Variants in RARS1 observed in about 807,000 individuals in gnomAD.
RARS1 encodes arginine--tRNA ligase, cytoplasmic.
A neutral mutation model predicts 78.7 loss-of-function variants in RARS1; 75 were observed. That is an observed-to-expected ratio of 0.95 (90% CI 0.79 to 1.15). RARS1 has a LOEUF of 1.15. Ranked by LOEUF, RARS1 falls within the 50% of genes most tolerant of loss-of-function variation. The pLI, the probability that RARS1 is intolerant of heterozygous loss-of-function variation, is 0.00. For missense variants in RARS1, 787 were observed against 787.5 expected, an observed-to-expected ratio of 1.00 and a Z score of 0.01; for synonymous variants, 273 against 268.2, an observed-to-expected ratio of 1.02 and a Z score of -0.18.
intron 7 of RARS1, 108 bp from the exon 8 acceptor site, chr5:168,500,483 T>C: frequency 9.1e-7 from 1 of 1,096,848 alleles, no homozygotes; most frequent in Non-Finnish European, 1.2e-6. Flanking sequence ...CTCGTGTTTG[T>C]ACTTTCTCAC....
At position 168,495,712 on chromosome 5, in the gene RARS1, A is replaced by G. The variant is rs185040944; in HGVS notation, c.701+276A>G. Among the ~76,000 whole-genome samples the G allele has an allele frequency of 1.8e-3, 277 of 152,310 alleles. 1 individual carries two copies. The highest frequency in any genetic ancestry group is 3.4e-3 in the Middle Eastern group (1 of 294). On this transcript the variant is annotated intron_variant, in intron 6 of 14. Transcript: ENST00000231572. ...GTTTCTTGAGGACCTCTTGTATGCAATGGGTTTATATCCTAGCAGGGAGAG... is the reference window on the plus strand; with the variant it reads ...GTTTCTTGAGGACCTCTTGTATGCAGTGGGTTTATATCCTAGCAGGGAGAG...
intron 2 of RARS1, among the ~76,000 whole-genome samples, chr5:168,490,388 G>A (rs1561818835): frequency 6.6e-6 from 1 of 151,808 alleles, no homozygotes; most frequent in Admixed American, 6.6e-5. Flanking sequence ...GTATTTTGTC[G>A]AACTCCTCGC....
At chr5:168,502,764 G>A (rs1341291657) in intron 9 of RARS1, among the ~76,000 whole-genome samples, 2 of 147,890 alleles carry the variant, frequency 1.4e-5, no homozygotes, top group African/African-American at 5.0e-5. Context: ...TGGAGACAGG[G>A]TTCCACCGTG....
intron 2 of RARS1, among the ~76,000 whole-genome samples, chr5:168,492,347 C>T (rs1226390099): frequency 1.3e-5 from 2 of 152,108 alleles, no homozygotes; most frequent in Non-Finnish European, 1.5e-5. Context: ...ATTATTTTCT[C>T]AGAGATTTGG....
At chr5:168,507,150 A>G (rs1212494499) in intron 11 of RARS1, among the ~76,000 whole-genome samples, 1 of 152,212 alleles carries the variant, frequency 6.6e-6, no homozygotes, top group Non-Finnish European at 1.5e-5. Context: ...ACACTATTCA[A>G]CAATATAGCT....
chr5:168,506,012 A>G lies in RARS1; in HGVS notation c.1058-9A>G. The G allele has an allele frequency of 6.3e-7, 1 of 1,585,320 alleles. No homozygotes were observed. Among genetic ancestry groups the G allele is most frequent in the Non-Finnish European group, 8.5e-7 (1 of 1,170,268 alleles). ...TAACTTTATTAATGAAGTGTTTTTT[A>G]CCCCCTAGGATTTGTGCAGGTGGAT... On this transcript the variant is annotated splice_polypyrimidine_tract_variant and intron_variant, in intron 9 of 14. Transcript: ENST00000231572.
At position 168,486,549 on chromosome 5, in the gene RARS1, G is replaced by T; in HGVS notation, c.45+6G>T. ...CCGCGCGGCTGCTGCAGCAGGTTTGGACGCAGGAGACCGGCGGGAAGGCCT... is the reference window on the plus strand; with the variant it reads ...CCGCGCGGCTGCTGCAGCAGGTTTGTACGCAGGAGACCGGCGGGAAGGCCT... On this transcript the variant is annotated splice_donor_region_variant and intron_variant, in intron 1 of 14. Coordinates refer to ENST00000231572, the MANE Select transcript of RARS1 (RefSeq NM_002887.4). 1 of 1,556,162 alleles carries T rather than the reference G, an allele frequency of 6.4e-7. No individual in the cohort carries two copies. Among genetic ancestry groups the T allele is most frequent in the South Asian group, 1.2e-5 (1 of 84,410 alleles).
chr5:168,494,763 C>A, intron 5 of RARS1, 113 bp downstream of exon 5: 1 of 772,110 alleles, frequency 1.3e-6, no homozygotes. Context: ...AGGAGGATTG[C>A]TTGAGCCTAG....
At chr5:168,503,277 A>T (rs1758368178) in intron 9 of RARS1, among the ~76,000 whole-genome samples, 1 of 152,200 alleles carries the variant, frequency 6.6e-6, no homozygotes, top group Non-Finnish European at 1.5e-5. Flanking sequence ...TGGAGGTTGG[A>T]AAATGGTAGT....
chr5:168,488,065 A>G lies in RARS1; in HGVS notation c.46-537A>G, dbSNP rs563013381. On this transcript the variant is annotated intron_variant, in intron 1 of 14. Coordinates refer to ENST00000231572, the MANE Select transcript of RARS1 (RefSeq NM_002887.4). ...GGATATGAGACATGAGGCATATCCC[A>G]TTATATACTTACTCCGATTCCTGTC... 3.2e-4 allele frequency: 88 copies of G among 272,448 alleles called. 2 individuals carry two copies. Among genetic ancestry groups the G allele is most frequent in the Middle Eastern group, 2.9e-3 (2 of 696 alleles). The allele number at this position is 272,448 out of a possible 1,614,324, so 16.9% of individuals were successfully genotyped here.
At chr5:168,502,131 A>G (rs367598522) in intron 9 of RARS1, 26 bp downstream of exon 9, 31 of 1,572,276 alleles carry the variant, frequency 2.0e-5, no homozygotes, top group Middle Eastern at 1.7e-4. Context: ...TTAACTTTTT[A>G]TTATGGAAAT....
intron 12 of RARS1, among the ~76,000 whole-genome samples, chr5:168,513,445 G>A (rs1001688186): frequency 1.8e-4 from 28 of 151,958 alleles, no homozygotes; most frequent in Non-Finnish European, 3.5e-4. Flanking sequence ...TCAGCCTCCC[G>A]AGTAGCTGGG....
At chr5:168,505,171 C>T (rs1347881265) in intron 9 of RARS1, among the ~76,000 whole-genome samples, 2 of 152,104 alleles carry the variant, frequency 1.3e-5, no homozygotes. Context: ...CTTTACATTA[C>T]CAAGCCTCAA....
chr5:168,507,124 C>T (rs1364393977), intron 11 of RARS1, among the ~76,000 whole-genome samples: 7 of 152,110 alleles, frequency 4.6e-5, no homozygotes, highest in African/African-American at 7.2e-5. Context: ...TATTACAGTA[C>T]CTGCTCAGAT....
At chr5:168,494,734 C>G in intron 5 of RARS1, 84 bp downstream of exon 5, 1 of 991,464 alleles carries the variant, frequency 1.0e-6, no homozygotes, top group Non-Finnish European at 1.5e-6. Context: ...ATAGTCTCAG[C>G]TACTTGGGAG....
chr5:168,494,288 G>A, intron 4 of RARS1: 1 of 985,428 alleles, frequency 1.0e-6, no homozygotes, highest in Non-Finnish European at 1.2e-6. Context: ...AGGGCCTTCT[G>A]TTTTCTGTTA....
intron 9 of RARS1, among the ~76,000 whole-genome samples, chr5:168,503,654 G>A (rs1296102813): frequency 6.6e-6 from 1 of 151,762 alleles, no homozygotes; most frequent in Non-Finnish European, 1.5e-5. Context: ...AATATTCCAG[G>A]CCCATTTTGT....
chr5:168,509,281 G>T (rs1482344632), intron 11 of RARS1, among the ~76,000 whole-genome samples: 1 of 152,164 alleles, frequency 6.6e-6, no homozygotes, highest in Non-Finnish European at 1.5e-5. Flanking sequence ...TAATAAAGGA[G>T]TTTTAATTCT....
chr5:168,502,468 C>A (rs1247146131), intron 9 of RARS1, among the ~76,000 whole-genome samples: 2 of 149,450 alleles, frequency 1.3e-5, no homozygotes, highest in Non-Finnish European at 3.0e-5. Flanking sequence ...ACCTCGGCCT[C>A]CCAGAGTGCT....
Sources: gnomAD v4.1 joint callset for allele counts (sites outside exome capture counted in the v4.1 genomes callset) on GRCh38, gnomAD v4.1.1 for gene constraint, MANE v1.5 for transcripts, NCBI Gene and HGNC (gene_info 2026-07-23, HGNC 2026-07-21) for gene names.